DOCK3: variants seen among roughly 807,000 people sequenced by gnomAD.
DOCK3 encodes the protein dedicator of cytokinesis protein 3.
Under a neutral mutation model 265.6 loss-of-function variants are expected in DOCK3, and 60 were observed. The observed-to-expected ratio is 0.23, with a 90% CI of 0.18 to 0.28. The LOEUF is 0.28. Among genes scored for constraint, DOCK3 ranks in the 10% least tolerant of loss-of-function variants. DOCK3 has a pLI of 1.00. For synonymous variants in DOCK3, 881 were observed against 938.0 expected, an observed-to-expected ratio of 0.94 and a Z score of 1.11; for missense variants, 1,981 against 2,594.3, an observed-to-expected ratio of 0.76 and a Z score of 5.14.
At chr3:50,700,754 AT>A (rs1291548406) in intron 1 of DOCK3, among the ~76,000 whole-genome samples, 1 of 152,212 alleles carries the variant, frequency 6.6e-6, no homozygotes, top group East Asian at 1.9e-4. Context: ...GAGTGCCAGC[AT>A]CCCTTTGATA....
At chr3:50,829,452 G>T (rs2044994494) in intron 2 of DOCK3, among the ~76,000 whole-genome samples, 1 of 152,028 alleles carries the variant, frequency 6.6e-6, no homozygotes, top group Non-Finnish European at 1.5e-5. Context: ...TAAAATTTTG[G>T]ATTTACTGTA....
chr3:50,910,081 C>A (rs1412608277), intron 4 of DOCK3, among the ~76,000 whole-genome samples: 1 of 152,028 alleles, frequency 6.6e-6, no homozygotes, highest in Non-Finnish European at 1.5e-5. Flanking sequence ...GTCAGTTATG[C>A]TCCTTTCTAA....
At chr3:50,776,731 A>T (rs1281490893) in intron 1 of DOCK3, among the ~76,000 whole-genome samples, 1 of 152,074 alleles carries the variant, frequency 6.6e-6, no homozygotes, top group African/African-American at 2.4e-5. Flanking sequence ...TGTTTTATCC[A>T]TCTTGAGTTG....
At chr3:50,732,521 C>T (rs1362377623) in intron 1 of DOCK3, among the ~76,000 whole-genome samples, 2 of 152,206 alleles carry the variant, frequency 1.3e-5, no homozygotes, top group African/African-American at 4.8e-5. Context: ...CCTCCTGCCT[C>T]AGCCCCCTGA....
At chr3:51,147,774 T>C (rs1341670374) in intron 10 of DOCK3, among the ~76,000 whole-genome samples, 2 of 152,226 alleles carry the variant, frequency 1.3e-5, no homozygotes, top group Non-Finnish European at 2.9e-5. Context: ...AAGTCTTTGC[T>C]ATTGTGAATA....
At chr3:51,345,419 G>A (rs1207080203) in intron 38 of DOCK3, among the ~76,000 whole-genome samples, 1 of 152,124 alleles carries the variant, frequency 6.6e-6, no homozygotes, top group Non-Finnish European at 1.5e-5. Context: ...GAGACCAGCC[G>A]AGGTAACATA....
In DOCK3 at chr3:51,359,708, T is replaced by C. The variant is rs906428397; in HGVS notation, c.4885-803T>C. Among the ~76,000 whole-genome samples, 4 of 152,224 alleles carry C rather than the reference T, an allele frequency of 2.6e-5. No individual in the cohort carries two copies. The highest frequency in any genetic ancestry group is 9.6e-5 in the African/African-American group (4 of 41,458). On this transcript the variant is annotated intron_variant, in intron 46 of 52. Transcript: ENST00000266037. The surrounding 1 kb of genome is among the most constrained non-coding windows in gnomAD (Gnocchi z 4.8). ...CGTTCTTCCGTGTGCACACATAGCC[T>C]TTCTCCAGCTACAGAAATACATTTT... is the stretch of plus-strand genomic sequence containing the variant.
chr3:50,694,500 G>T (rs1456179798), intron 1 of DOCK3, among the ~76,000 whole-genome samples: 1 of 151,926 alleles, frequency 6.6e-6, no homozygotes, highest in Non-Finnish European at 1.5e-5. Flanking sequence ...AGTAATGGGT[G>T]GAGCGCATTA....
intron 4 of DOCK3, among the ~76,000 whole-genome samples, chr3:50,921,202 G>T (rs1369631958): frequency 6.6e-6 from 1 of 152,040 alleles, no homozygotes; most frequent in Non-Finnish European, 1.5e-5. Flanking sequence ...AGTGTGATAA[G>T]TGATCTTTTC....
intron 1 of DOCK3, among the ~76,000 whole-genome samples, chr3:50,773,510 T>G (rs1477761700): frequency 6.6e-6 from 1 of 152,140 alleles, no homozygotes; most frequent in Non-Finnish European, 1.5e-5. Flanking sequence ...TACATGTTCT[T>G]GTTAATTAGT....
At chr3:51,292,684 A>T (rs892607449) in intron 27 of DOCK3, among the ~76,000 whole-genome samples, 50 of 151,994 alleles carry the variant, frequency 3.3e-4, no homozygotes, top group East Asian at 1.2e-3. Context: ...GGGTTAAAAA[A>T]TTTTTTTTCT....
chr3:50,772,873 A>G (rs1392115609), intron 1 of DOCK3, among the ~76,000 whole-genome samples: 1 of 152,176 alleles, frequency 6.6e-6, no homozygotes, highest in African/African-American at 2.4e-5. Context: ...CAAATGATAT[A>G]CAGATTCAGT....
intron 2 of DOCK3, among the ~76,000 whole-genome samples, chr3:50,789,924 G>C (rs1479218984): frequency 6.6e-6 from 1 of 152,072 alleles, no homozygotes; most frequent in Admixed American, 6.5e-5. Flanking sequence ...AGTAGAGATG[G>C]GGTTTCGCCA....
At chr3:51,000,662 C>CT (rs11332345) in intron 5 of DOCK3, among the ~76,000 whole-genome samples, 9 of 151,660 alleles carry the variant, frequency 5.9e-5, no homozygotes, top group African/African-American at 1.7e-4. Context: ...TTTCTTTTTT[C>CT]TTTTTTTTTG....
intron 38 of DOCK3, among the ~76,000 whole-genome samples, chr3:51,345,757 G>C (rs2085522474): frequency 6.6e-6 from 1 of 152,180 alleles, no homozygotes; most frequent in South Asian, 2.1e-4. Context: ...TTGAAGGATA[G>C]AAAAATGTAC....
At chr3:51,271,720 A>G (rs538187266) in intron 24 of DOCK3, among the ~76,000 whole-genome samples, 43 of 152,300 alleles carry the variant, frequency 2.8e-4, no homozygotes, top group African/African-American at 8.9e-4. Context: ...GCATGGTGGC[A>G]GGCACCTGTA....
At chr3:51,058,495 A>G (rs887797468) in intron 5 of DOCK3, among the ~76,000 whole-genome samples, 1 of 152,176 alleles carries the variant, frequency 6.6e-6, no homozygotes, top group Non-Finnish European at 1.5e-5. Context: ...TGTGGCATAG[A>G]TATTGTATAT....
rs529472022 is a variant in DOCK3 at position 50,728,189 on chromosome 3, T to TA, written c.38-50480dup. 3.0e-3 allele frequency among the ~76,000 whole-genome samples: 457 copies of TA among 152,166 alleles called. 1 individual carries two copies. The highest frequency in any genetic ancestry group is 9.7e-3 in the African/African-American group (404 of 41,532). ...AATACTTCTAAGTAACCCAGGGCCA[T>TA]AAAAAATCACAGAGGAAATTAGAAA... is the stretch of plus-strand genomic sequence containing the variant. On this transcript the variant is annotated intron_variant, in intron 1 of 52. Transcript: ENST00000266037.
chr3:50,944,225 A>G (rs2076370833), intron 5 of DOCK3, among the ~76,000 whole-genome samples: 1 of 152,198 alleles, frequency 6.6e-6, no homozygotes, highest in Non-Finnish European at 1.5e-5. Context: ...CCACTGAGGC[A>G]GTTAAAACCA....
Sources: allele counts gnomAD v4.1 joint callset (sites outside exome capture counted in the v4.1 genomes callset), GRCh38; gene constraint gnomAD v4.1.1; non-coding constraint Gnocchi (gnomAD v3.1); transcripts MANE v1.5; gene names NCBI Gene and HGNC (gene_info 2026-07-23, HGNC 2026-07-21).